Variants in COBL observed in about 807,000 individuals in gnomAD.
COBL encodes the protein cordon-bleu WH2 repeat protein.
A neutral mutation model predicts 98.8 loss-of-function variants in COBL; 51 were observed. That is an observed-to-expected ratio of 0.52 (90% CI 0.41 to 0.65). The LOEUF is 0.65. Among genes scored for constraint, COBL ranks in the 30% least tolerant of loss-of-function variants. The pLI is 0.00. For synonymous variants in COBL, 634 were observed against 651.7 expected (o/e 0.97, Z 0.41); for missense variants, 1,617 against 1,617.5 (o/e 1.00, Z 0.01).
intron 7 of COBL, among the ~76,000 whole-genome samples, chr7:51,074,901 A>G (rs1273599249): frequency 6.6e-6 from 1 of 152,254 alleles, no homozygotes; most frequent in Admixed American, 6.5e-5. Flanking sequence ...AATAAAATGC[A>G]TAATACTATT....
At chr7:51,178,026 A>T (rs1258806134) in intron 5 of COBL, among the ~76,000 whole-genome samples, 7 of 151,934 alleles carry the variant, frequency 4.6e-5, no homozygotes, top group Admixed American at 4.6e-4. Context: ...CGTGCCTGTC[A>T]TCTCAGCTAC....
intron 6 of COBL, among the ~76,000 whole-genome samples, chr7:51,124,138 C>T (rs1797991301): frequency 6.6e-6 from 1 of 152,100 alleles, no homozygotes; most frequent in Admixed American, 6.5e-5. Context: ...AGCAGAGTGC[C>T]TGGGATGCAA....
intron 1 of COBL, among the ~76,000 whole-genome samples, chr7:51,252,606 T>C (rs952450349): frequency 6.6e-6 from 1 of 152,206 alleles, no homozygotes; most frequent in African/African-American, 2.4e-5. Context: ...TGTTTCTTCA[T>C]AATTCAGATT....
intron 1 of COBL, among the ~76,000 whole-genome samples, chr7:51,228,880 A>C (rs1043721054): frequency 6.6e-6 from 1 of 152,128 alleles, no homozygotes; most frequent in Non-Finnish European, 1.5e-5. Context: ...GAGTTACTAC[A>C]TTGTTCAATA....
intron 1 of COBL, among the ~76,000 whole-genome samples, chr7:51,275,973 A>G (rs1169635708): frequency 6.6e-6 from 1 of 152,118 alleles, no homozygotes; most frequent in African/African-American, 2.4e-5. Flanking sequence ...TTACTCTTCA[A>G]TGGAAATGAG....
chr7:51,086,257 T>TGAG (rs1794226811), intron 6 of COBL, among the ~76,000 whole-genome samples: 1 of 147,180 alleles, frequency 6.8e-6, no homozygotes, highest in African/African-American at 2.5e-5. Flanking sequence ...CTCAGGAGGC[T>TGAG]GAGGCAGGAG....
chr7:51,080,515 G>GTTTCCCCA (rs1224141291), intron 7 of COBL, among the ~76,000 whole-genome samples: 1 of 152,156 alleles, frequency 6.6e-6, no homozygotes, highest in African/African-American at 2.4e-5. Context: ...ACCGCTTATG[G>GTTTCCCCA]TGGTAAGGCC....
chr7:51,126,455 CCT>C (rs1206766931), intron 6 of COBL, among the ~76,000 whole-genome samples: 1 of 152,204 alleles, frequency 6.6e-6, no homozygotes, highest in East Asian at 1.9e-4. Flanking sequence ...CCACTGTACC[CCT>C]TTCACAGCCT....
intron 6 of COBL, among the ~76,000 whole-genome samples, chr7:51,104,953 A>G (rs956914448): frequency 1.2e-4 from 19 of 152,132 alleles, no homozygotes; most frequent in African/African-American, 4.3e-4. Flanking sequence ...CACAATGTAG[A>G]GTGGGGGTCA....
chr7:51,223,489 A>G (rs1793864836), intron 1 of COBL, among the ~76,000 whole-genome samples: 1 of 152,176 alleles, frequency 6.6e-6, no homozygotes, highest in Non-Finnish European at 1.5e-5. Context: ...GTAGGGCTAT[A>G]AACTCACATC....
chr7:51,242,431 G>C (rs1034443216), intron 1 of COBL, among the ~76,000 whole-genome samples: 1 of 152,096 alleles, frequency 6.6e-6, no homozygotes, highest in Non-Finnish European at 1.5e-5. Flanking sequence ...TGTGCATTTT[G>C]TCCAATTCTT....
chr7:51,082,222 C>T (rs1583719019), intron 7 of COBL, among the ~76,000 whole-genome samples: 1 of 152,160 alleles, frequency 6.6e-6, no homozygotes, highest in African/African-American at 2.4e-5. Context: ...TGGGCACCAG[C>T]AGGGCTCCTG....
At chr7:51,051,563 A>G (rs1235543382) in intron 7 of COBL, among the ~76,000 whole-genome samples, 1 of 152,202 alleles carries the variant, frequency 6.6e-6, no homozygotes, top group Non-Finnish European at 1.5e-5. Context: ...TCTTTCATGC[A>G]TTAAAAACAA....
chr7:51,252,220 C>T (rs1156859598), intron 1 of COBL, among the ~76,000 whole-genome samples: 2 of 152,156 alleles, frequency 1.3e-5, no homozygotes, highest in African/African-American at 2.4e-5. Context: ...AATTCACACA[C>T]CATATAATTT....
chr7:51,187,836 CCTCTGTGCAG>C, intron 4 of COBL: 1 of 1,112,660 alleles, frequency 9.0e-7, no homozygotes, highest in Non-Finnish European at 1.1e-6. Context: ...AAAAACATCA[CCTCTGTGCAG>C]CTCTGACCCC....
chr7:51,309,837 G>A (rs1802843590), intron 1 of COBL, among the ~76,000 whole-genome samples: 1 of 152,194 alleles, frequency 6.6e-6, no homozygotes, highest in African/African-American at 2.4e-5. Flanking sequence ...GGGTCAGAGG[G>A]GCAAGTAAAG....
chr7:51,285,674 T>C (rs1179929880), intron 1 of COBL, among the ~76,000 whole-genome samples: 1 of 152,190 alleles, frequency 6.6e-6, no homozygotes, highest in African/African-American at 2.4e-5. Flanking sequence ...ACGACTCAAA[T>C]TGATTTACAG....
intron 1 of COBL, among the ~76,000 whole-genome samples, chr7:51,222,885 T>C (rs1007931033): frequency 6.6e-6 from 1 of 152,170 alleles, no homozygotes; most frequent in Admixed American, 6.5e-5. Flanking sequence ...AGGTTTTGAC[T>C]GCCCCACACT....
intron 1 of COBL, among the ~76,000 whole-genome samples, chr7:51,227,937 A>T (rs1794361946): frequency 6.6e-6 from 1 of 152,200 alleles, no homozygotes; most frequent in African/African-American, 2.4e-5. Context: ...GTGTCTATGA[A>T]ACAATCACAC....
Sources: gnomAD v4.1 joint callset for allele counts (sites outside exome capture counted in the v4.1 genomes callset) on GRCh38, gnomAD v4.1.1 for gene constraint, MANE v1.5 for transcripts, NCBI Gene and HGNC (gene_info 2026-07-23, HGNC 2026-07-21) for gene names.